The following KIF5C variants were observed in gnomAD, a reference collection of about 807,000 sequenced individuals.
The protein encoded by KIF5C is kinesin heavy chain isoform 5C.
In KIF5C, 18 loss-of-function variants were observed where a neutral mutation model predicts 125.2. That is an observed-to-expected ratio of 0.14 (90% CI 0.10 to 0.21). KIF5C has a LOEUF of 0.21. KIF5C is among the 10% of genes least tolerant of loss of function. The pLI, the probability that KIF5C is intolerant of heterozygous loss-of-function variation, is 1.00. For synonymous variants in KIF5C, 405 were observed against 434.0 expected (o/e 0.93, Z 0.83); for missense variants, 780 against 1,183.8 (o/e 0.66, Z 5.01).
At chr2:148,997,425 C>A in intron 18 of KIF5C, 85 bp downstream of exon 18, 1 of 1,594,088 alleles carries the variant, frequency 6.3e-7, no homozygotes, top group Admixed American at 1.8e-5. Flanking sequence ...AAATCTGTCA[C>A]CTTCAGATCC....
chr2:148,948,587 A>T (rs191032890), intron 8 of KIF5C, among the ~76,000 whole-genome samples: 1 of 152,150 alleles, frequency 6.6e-6, no homozygotes, highest in Non-Finnish European at 1.5e-5. Flanking sequence ...TCTTTTGCTC[A>T]CACACACCTG....
Position 148,922,269 on chromosome 2 carries a change from A to G in KIF5C, c.217+42A>G. The G allele has an allele frequency of 1.7e-5, 23 of 1,323,916 alleles. 1 individual carries two copies. Among genetic ancestry groups the G allele is most frequent in the Non-Finnish European group, 2.4e-5 (22 of 930,226 alleles). The allele number at this position is 1,323,916 out of a possible 1,614,324, so 82.0% of individuals were successfully genotyped here. A position where few individuals can be genotyped will look rare whatever the true frequency, so the allele number is the denominator to read the frequency against. ...TATTTCCTCCTGGGCCATTCAGAGTAATTGAAAGCATTAAGTGATATTTGC... is the reference window on the plus strand; with the variant it reads ...TATTTCCTCCTGGGCCATTCAGAGTGATTGAAAGCATTAAGTGATATTTGC... On this transcript the variant is annotated intron_variant, in intron 2 of 25. Coordinates refer to ENST00000435030, the MANE Select transcript of KIF5C (RefSeq NM_004522.3).
rs904373658 is a variant in KIF5C at position 149,004,569 on chromosome 2, A to G, written c.2374-824A>G. Among the ~76,000 whole-genome samples the G allele has an allele frequency of 2.0e-4, 31 of 152,348 alleles. 1 individual carries two copies. The highest frequency in any genetic ancestry group is 2.0e-3 in the Admixed American group (30 of 15,304). On this transcript the variant is annotated intron_variant, in intron 21 of 25. Coordinates refer to ENST00000435030, the MANE Select transcript of KIF5C (RefSeq NM_004522.3). ...GTAGAAAATAATCCAAAATGAAGGG[A>G]AAAAATGCCCCCAAGATGACAGTGA...
intron 16 of KIF5C, among the ~76,000 whole-genome samples, chr2:148,992,659 G>A (rs760144514): frequency 1.3e-5 from 2 of 152,164 alleles, no homozygotes; most frequent in Non-Finnish European, 2.9e-5. Context: ...TGCTGAGTTG[G>A]ATTTATATTG....
chr2:148,943,649 TGAG>T (rs1682459845), intron 7 of KIF5C, among the ~76,000 whole-genome samples: 1 of 152,152 alleles, frequency 6.6e-6, no homozygotes, highest in African/African-American at 2.4e-5. Context: ...TCGACCCCTG[TGAG>T]GAGAACTCTC....
intron 21 of KIF5C, among the ~76,000 whole-genome samples, 193 bp downstream of exon 21, chr2:149,000,975 C>T (rs1681834312): frequency 6.6e-6 from 1 of 152,222 alleles, no homozygotes; most frequent in Non-Finnish European, 1.5e-5. Flanking sequence ...ATCCATCTAT[C>T]CTTAGAGCAG....
Position 149,018,181 on chromosome 2 carries a change from T to C in KIF5C, c.*8-4897T>C, listed in dbSNP as rs562096848. 5.3e-5 allele frequency among the ~76,000 whole-genome samples: 8 copies of C among 152,144 alleles called. 1 individual carries two copies. Among genetic ancestry groups the C allele is most frequent in the African/African-American group, 1.9e-4 (8 of 41,492 alleles). ...GTGCATGCCTGTAGCTCCAGTGACT[T>C]GGAAGGGTGAGCTGGGAGGATCATT... On this transcript the variant is annotated intron_variant, in intron 25 of 25. Coordinates refer to ENST00000435030, the MANE Select transcript of KIF5C (RefSeq NM_004522.3).
intron 1 of KIF5C, among the ~76,000 whole-genome samples, chr2:148,890,509 A>T (rs1681678269): frequency 6.6e-6 from 1 of 152,176 alleles, no homozygotes; most frequent in African/African-American, 2.4e-5. Flanking sequence ...TCTAAACAAA[A>T]AAAAGAGCAG....
At chr2:148,917,609 G>T (rs1681612827) in intron 1 of KIF5C, among the ~76,000 whole-genome samples, 1 of 152,200 alleles carries the variant, frequency 6.6e-6, no homozygotes. Context: ...AGCACAGGCT[G>T]AAAGAACTTG....
chr2:148,983,894 A>G, intron 15 of KIF5C, 128 bp downstream of exon 15: 1 of 1,237,466 alleles, frequency 8.1e-7, no homozygotes, highest in Non-Finnish European at 1.0e-6. Context: ...TTAGTGTTTG[A>G]ATGAATGAAA....
chr2:148,895,813 G>A (rs529613428), intron 1 of KIF5C, among the ~76,000 whole-genome samples: 14 of 151,320 alleles, frequency 9.3e-5, no homozygotes, highest in South Asian at 8.4e-4. Flanking sequence ...CCTTCTCACC[G>A]TGCATGTCCT....
At chr2:148,955,791 A>G (rs1682777255) in intron 10 of KIF5C, among the ~76,000 whole-genome samples, 1 of 152,074 alleles carries the variant, frequency 6.6e-6, no homozygotes, top group Admixed American at 6.6e-5. Flanking sequence ...TCTCTCACAC[A>G]CCATTCACAG....
chr2:148,927,380 G>C (rs552147611), intron 2 of KIF5C, among the ~76,000 whole-genome samples: 2 of 152,150 alleles, frequency 1.3e-5, no homozygotes, highest in Non-Finnish European at 2.9e-5. Flanking sequence ...GGTCAGGATG[G>C]CTGGACCCCT....
intron 1 of KIF5C, among the ~76,000 whole-genome samples, chr2:148,909,873 T>C (rs1200301700): frequency 6.6e-6 from 1 of 152,232 alleles, no homozygotes; most frequent in African/African-American, 2.4e-5. Flanking sequence ...CTGCCTCTCC[T>C]ACTTATCGCT....
intron 18 of KIF5C, 159 bp downstream of exon 18, chr2:148,997,499 C>A: frequency 1.5e-6 from 2 of 1,354,210 alleles, no homozygotes; most frequent in African/African-American, 1.5e-5. Flanking sequence ...CAGAGTATAG[C>A]CTGGCTTAGA....
At chr2:149,011,321 C>T (rs556136407) in intron 24 of KIF5C, among the ~76,000 whole-genome samples, 4 of 152,324 alleles carry the variant, frequency 2.6e-5, no homozygotes, top group Non-Finnish European at 4.4e-5. Context: ...TCTAACTTTT[C>T]TTGGCCCAAA....
intron 1 of KIF5C, chr2:148,878,260 T>C (rs1681250085): frequency 6.6e-6 from 1 of 152,150 alleles, no homozygotes; most frequent in African/African-American, 2.4e-5. Flanking sequence ...TGCTTCAGGG[T>C]AACCATGATT....
At position 148,876,006 on chromosome 2, in the gene KIF5C, G is replaced by T. The variant is rs997333830; in HGVS notation, c.126+263G>T. Among the ~76,000 whole-genome samples the T allele has an allele frequency of 3.9e-5, 6 of 152,036 alleles. No homozygotes were observed. The highest frequency in any genetic ancestry group is 7.4e-5 in the Non-Finnish European group (5 of 67,964). ...CGAAGACGGGCTCGGCGCCGCCATTGTTCGCCGGGTGGGGGCCCGGGTGGG... is the reference window on the plus strand; with the variant it reads ...CGAAGACGGGCTCGGCGCCGCCATTTTTCGCCGGGTGGGGGCCCGGGTGGG... On this transcript the variant is annotated intron_variant, in intron 1 of 25. Transcript: ENST00000435030. The surrounding 1 kb of genome is among the most constrained non-coding windows in gnomAD (Gnocchi z 4.7).
chr2:148,893,316 T>C (rs1225934232), intron 1 of KIF5C, among the ~76,000 whole-genome samples: 1 of 152,246 alleles, frequency 6.6e-6, no homozygotes, highest in Non-Finnish European at 1.5e-5. Flanking sequence ...CAAAAACATG[T>C]AAGGCTTTTC....
Sources: gnomAD v4.1 joint callset for allele counts (sites outside exome capture counted in the v4.1 genomes callset) on GRCh38, gnomAD v4.1.1 for gene constraint, Gnocchi (gnomAD v3.1) non-coding constraint, MANE v1.5 for transcripts, NCBI Gene and HGNC (gene_info 2026-07-23, HGNC 2026-07-21) for gene names.